Variants in APBA1 observed in about 807,000 individuals in gnomAD.
APBA1 encodes the protein amyloid beta precursor protein binding family A member 1.
In APBA1, 55 loss-of-function variants were observed where a neutral mutation model predicts 86.6. That is an observed-to-expected ratio of 0.64 (90% CI 0.51 to 0.80). The LOEUF is 0.80. Ranked by LOEUF, APBA1 falls within the 30% of genes least tolerant of loss-of-function variation. The pLI is 0.00. For missense variants in APBA1, 1,090 were observed against 1,183.0 expected (o/e 0.92, Z 1.15); for synonymous variants, 511 against 493.9 (o/e 1.03, Z -0.46).
At chr9:69,651,170 T>C (rs780057753) in intron 1 of APBA1, among the ~76,000 whole-genome samples, 11 of 152,116 alleles carry the variant, frequency 7.2e-5, no homozygotes, top group Non-Finnish European at 1.3e-4. Context: ...CCAAAAAAAA[T>C]GTATATATGG....
intron 1 of APBA1, among the ~76,000 whole-genome samples, chr9:69,552,422 A>C (rs1836799997): frequency 6.6e-6 from 1 of 152,238 alleles, no homozygotes; most frequent in African/African-American, 2.4e-5. Context: ...ATTCACATTG[A>C]GTTCAAATGC....
intron 1 of APBA1, among the ~76,000 whole-genome samples, chr9:69,604,621 G>A (rs556907750): frequency 1.1e-3 from 164 of 147,644 alleles, no homozygotes; most frequent in Middle Eastern, 4.0e-3. Flanking sequence ...AGGGTAAGTG[G>A]AGAGGCACAT....
At chr9:69,558,561 C>CACAT (rs1554701130) in intron 1 of APBA1, among the ~76,000 whole-genome samples, 28 of 142,858 alleles carry the variant, frequency 2.0e-4, no homozygotes, top group African/African-American at 6.7e-4. Context: ...CACACACACA[C>CACAT]ATATATATAT....
In APBA1 at chr9:69,585,390, T is replaced by TGA. The variant is rs1480986489; in HGVS notation, c.-69-68113_-69-68112dup. 1.1e-4 allele frequency among the ~76,000 whole-genome samples: 16 copies of TGA among 152,306 alleles called. 1 individual carries two copies. The East Asian group carries it at 2.9e-3, about 28-fold the overall frequency. ...AACAGAAGAGATGATAAGAAGAGAC[T>TGA]GAGGCTCAAGGAAAGGGGTGTGTGC... On this transcript the variant is annotated intron_variant, in intron 1 of 12. Coordinates refer to ENST00000265381, the MANE Select transcript of APBA1 (RefSeq NM_001163.4).
intron 10 of APBA1, among the ~76,000 whole-genome samples, chr9:69,445,158 C>G (rs1834887079): frequency 6.6e-6 from 1 of 152,188 alleles, no homozygotes; most frequent in Non-Finnish European, 1.5e-5. Context: ...CTCAATGTTG[C>G]CTAAAAAATT....
chr9:69,446,888 C>G (rs1343028183), intron 10 of APBA1, among the ~76,000 whole-genome samples: 3 of 152,222 alleles, frequency 2.0e-5, no homozygotes, highest in Non-Finnish European at 4.4e-5. Context: ...CAGGCCCCAT[C>G]CCCACCTTTA....
intron 1 of APBA1, among the ~76,000 whole-genome samples, chr9:69,636,987 A>AAAGATAG (rs1564099121): frequency 6.5e-4 from 63 of 96,412 alleles, no homozygotes; most frequent in Non-Finnish European, 1.0e-3. Flanking sequence ...AAGAAAGAAA[A>AAAGATAG]ATGTGATACA....
At chr9:69,456,702 A>G (rs1222960763) in intron 7 of APBA1, among the ~76,000 whole-genome samples, 2 of 151,904 alleles carry the variant, frequency 1.3e-5, no homozygotes, top group African/African-American at 4.8e-5. Context: ...TTTAAAAAAA[A>G]AAAAGACAAA....
chr9:69,582,170 T>A (rs1265862714), intron 1 of APBA1, among the ~76,000 whole-genome samples: 1 of 152,220 alleles, frequency 6.6e-6, no homozygotes, highest in African/African-American at 2.4e-5. Flanking sequence ...ATACACCTAT[T>A]CTAAGTGGCT....
At chr9:69,471,748 A>G in intron 3 of APBA1, 53 bp from the exon 4 acceptor site, 3 of 1,389,562 alleles carry the variant, frequency 2.2e-6, no homozygotes, top group Non-Finnish European at 3.1e-6. Context: ...TGAAATATGA[A>G]TTAACACAAT....
chr9:69,610,930 T>C (rs1443365464), intron 1 of APBA1, among the ~76,000 whole-genome samples: 2 of 152,144 alleles, frequency 1.3e-5, no homozygotes, highest in African/African-American at 2.4e-5. Context: ...TGCAATCAAC[T>C]ATACAGTTAA....
intron 1 of APBA1, among the ~76,000 whole-genome samples, chr9:69,624,911 A>G (rs986445052): frequency 5.9e-5 from 9 of 152,212 alleles, no homozygotes; most frequent in African/African-American, 2.2e-4. Context: ...CCTATTGAAA[A>G]GGAAAAATAG....
chr9:69,670,456 G>A (rs1823925016), intron 1 of APBA1, among the ~76,000 whole-genome samples: 1 of 152,190 alleles, frequency 6.6e-6, no homozygotes, highest in African/African-American at 2.4e-5. Context: ...AGAATTTAAG[G>A]TGTTATGACT....
chr9:69,597,581 C>T (rs1035046023), intron 1 of APBA1, among the ~76,000 whole-genome samples: 1 of 152,132 alleles, frequency 6.6e-6, no homozygotes, highest in African/African-American at 2.4e-5. Context: ...ACATGAAGTC[C>T]TTGCCCATGC....
intron 11 of APBA1, among the ~76,000 whole-genome samples, chr9:69,433,196 G>A (rs190581490): frequency 2.6e-5 from 4 of 152,254 alleles, no homozygotes; most frequent in South Asian, 2.1e-4. Context: ...CCAATTCAGC[G>A]GCCCCTGTTC....
intron 1 of APBA1, among the ~76,000 whole-genome samples, chr9:69,642,234 T>C (rs537167774): frequency 1.5e-4 from 23 of 152,290 alleles, no homozygotes; most frequent in South Asian, 8.3e-4. Context: ...AAAAGACTTA[T>C]ACCTGGAATA....
intron 2 of APBA1, among the ~76,000 whole-genome samples, chr9:69,499,837 A>G (rs1400993664): frequency 6.6e-6 from 1 of 152,050 alleles, no homozygotes; most frequent in Non-Finnish European, 1.5e-5. Context: ...TGATCAGGGC[A>G]AGAGTTCACA....
rs145660396 is a variant in APBA1 at position 69,497,402 on chromosome 9, G to A, written c.1200+18609C>T. Among the ~76,000 whole-genome samples, 714 of 151,962 alleles carry A rather than the reference G, an allele frequency of 4.7e-3. 9 individuals are homozygous for A. The highest frequency in any genetic ancestry group is 0.016 in the African/African-American group (664 of 41,482). ...TGCTTCCCAAACATTTTGCACCATG[G>A]CACACAGGGAAATGTTAATATTTGT... On this transcript the variant is annotated intron_variant, in intron 2 of 12. Transcript: ENST00000265381.
At chr9:69,446,459 C>G (rs1423726073) in intron 10 of APBA1, among the ~76,000 whole-genome samples, 4 of 152,202 alleles carry the variant, frequency 2.6e-5, no homozygotes, top group Admixed American at 2.6e-4. Context: ...ACCACTCGGC[C>G]TTTTAATTTT....
Sources: allele counts gnomAD v4.1 joint callset (sites outside exome capture counted in the v4.1 genomes callset), GRCh38; gene constraint gnomAD v4.1.1; transcripts MANE v1.5; gene names NCBI Gene and HGNC (gene_info 2026-07-23, HGNC 2026-07-21).